Variants in RBFOX1 observed in about 807,000 individuals in gnomAD.
The protein encoded by RBFOX1 is RNA binding fox-1 homolog 1, also known as RNA binding protein fox-1 homolog 1.
RBFOX1 carries 8 observed loss-of-function variants against 57.7 expected under a neutral mutation model. That is an observed-to-expected ratio of 0.14 (90% CI 0.08 to 0.25). The LOEUF is 0.25. RBFOX1 is among the 10% of genes least tolerant of loss of function. The pLI, the probability that RBFOX1 is intolerant of heterozygous loss-of-function variation, is 1.00. For synonymous variants in RBFOX1, 326 were observed against 222.4 expected (o/e 1.47, Z -4.15); for missense variants, 611 against 548.5 (o/e 1.11, Z -1.14).
chr16:5,861,702 C>T (rs1025953675), intron 3 of RBFOX1, among the ~76,000 whole-genome samples: 2 of 152,216 alleles, frequency 1.3e-5, no homozygotes, highest in Non-Finnish European at 2.9e-5. Flanking sequence ...CTTTCATACA[C>T]AGGGCATTTG....
intron 4 of RBFOX1, among the ~76,000 whole-genome samples, chr16:7,397,922 C>G (rs1259799305): frequency 6.6e-6 from 1 of 152,062 alleles, no homozygotes; most frequent in African/African-American, 2.4e-5. Context: ...TTAGGCCCTA[C>G]TTGGCTCTTA....
intron 3 of RBFOX1, among the ~76,000 whole-genome samples, chr16:5,691,539 C>G (rs567559868): frequency 6.6e-6 from 1 of 152,210 alleles, no homozygotes; most frequent in South Asian, 2.1e-4. Flanking sequence ...CCCAAAATGC[C>G]TAGGACTAGA....
chr16:5,822,893 G>C (rs139206022), intron 3 of RBFOX1, among the ~76,000 whole-genome samples: 177 of 152,312 alleles, frequency 1.2e-3, no homozygotes, highest in African/African-American at 4.1e-3. Context: ...AGGCATCTGA[G>C]GCCTCTGTCT....
intron 3 of RBFOX1, among the ~76,000 whole-genome samples, chr16:5,779,550 A>T (rs7199564): frequency 6.6e-6 from 1 of 152,074 alleles, no homozygotes; most frequent in South Asian, 2.1e-4. Flanking sequence ...CATGTATCCA[A>T]GTATCCCTAT....
Position 5,409,563 on chromosome 16 carries a change from A to G in RBFOX1, c.220-57653A>G, listed in dbSNP as rs513539. On this transcript the variant is annotated intron_variant, in intron 1 of 2. Transcript: ENST00000585867. ...ATCTTTATTTTTCTCTTCATACTCA[A>G]CAAATATTTATTGAGCACATATGTG... Among the ~76,000 whole-genome samples the G allele has an allele frequency of 2.2e-3, 342 of 152,382 alleles. 4 individuals carry two copies. The highest frequency in any genetic ancestry group is 8.1e-3 in the African/African-American group (335 of 41,592).
intron 4 of RBFOX1, among the ~76,000 whole-genome samples, chr16:7,296,021 C>G (rs761441113): frequency 2.0e-5 from 3 of 151,534 alleles, no homozygotes; most frequent in African/African-American, 7.3e-5. Flanking sequence ...TTAGTCTCCT[C>G]GTGATAGCTA....
intron 3 of RBFOX1, chr16:6,773,913 G>A (rs2078887184): frequency 2.0e-6 from 2 of 981,712 alleles, no homozygotes; most frequent in Non-Finnish European, 2.4e-6. Context: ...GTGCATTTGC[G>A]TTGCGGGGGT....
At chr16:5,572,599 G>T (rs1006086542) in intron 2 of RBFOX1, among the ~76,000 whole-genome samples, 1 of 152,198 alleles carries the variant, frequency 6.6e-6, no homozygotes, top group African/African-American at 2.4e-5. Context: ...ACCTGAGGTT[G>T]AGAACCCCTG....
intron 3 of RBFOX1, among the ~76,000 whole-genome samples, chr16:5,682,600 C>G (rs2050374408): frequency 1.3e-5 from 2 of 152,046 alleles, no homozygotes; most frequent in South Asian, 4.1e-4. Flanking sequence ...AAGGAATTAT[C>G]CCCATTGTAC....
chr16:7,420,956 C>G (rs1360971216), intron 4 of RBFOX1, among the ~76,000 whole-genome samples: 4 of 148,822 alleles, frequency 2.7e-5, no homozygotes, highest in African/African-American at 1.0e-4. Context: ...CACACACACA[C>G]ACACATATAT....
chr16:7,626,091 T>C (rs1474982992), intron 10 of RBFOX1, among the ~76,000 whole-genome samples: 1 of 152,060 alleles, frequency 6.6e-6, no homozygotes, highest in East Asian at 1.9e-4. Context: ...CAGAAAGGAG[T>C]TACCTAGAGC....
At chr16:5,972,001 G>T (rs577725577) in intron 4 of RBFOX1, among the ~76,000 whole-genome samples, 16 of 152,300 alleles carry the variant, frequency 1.1e-4, no homozygotes, top group African/African-American at 3.9e-4. Flanking sequence ...TTCAAACTGG[G>T]ACGTGTGCTT....
At chr16:6,177,548 A>G (rs1405806579) in intron 1 of RBFOX1, among the ~76,000 whole-genome samples, 1 of 152,170 alleles carries the variant, frequency 6.6e-6, no homozygotes, top group Non-Finnish European at 1.5e-5. Context: ...TTATAGAATC[A>G]TGTCAGAAAG....
At chr16:6,627,582 T>G (rs1157953622) in intron 2 of RBFOX1, among the ~76,000 whole-genome samples, 1 of 152,128 alleles carries the variant, frequency 6.6e-6, no homozygotes, top group Admixed American at 6.5e-5. Flanking sequence ...AGATAAGAAC[T>G]ATGAACGCTA....
intron 2 of RBFOX1, among the ~76,000 whole-genome samples, chr16:6,423,518 G>T (rs140538859): frequency 5.3e-5 from 8 of 152,188 alleles, no homozygotes; most frequent in Admixed American, 5.2e-4. Flanking sequence ...AGAATTGCTC[G>T]AACCTGGGAG....
intron 4 of RBFOX1, among the ~76,000 whole-genome samples, chr16:7,302,922 G>C (rs938858532): frequency 6.6e-6 from 1 of 152,030 alleles, no homozygotes; most frequent in Non-Finnish European, 1.5e-5. Flanking sequence ...TGTTAATTTG[G>C]CCAAGGAGGG....
chr16:5,482,578 A>G (rs1268733592), intron 2 of RBFOX1, among the ~76,000 whole-genome samples: 1 of 152,164 alleles, frequency 6.6e-6, no homozygotes, highest in East Asian at 1.9e-4. Context: ...AATTGTAGGG[A>G]CTGCTTGAAG....
intron 4 of RBFOX1, among the ~76,000 whole-genome samples, chr16:5,989,313 A>T (rs940230759): frequency 6.6e-6 from 1 of 152,100 alleles, no homozygotes; most frequent in Admixed American, 6.6e-5. Context: ...CCTGGGTGAC[A>T]GAGCAAGACT....
At position 5,450,934 on chromosome 16, in the gene RBFOX1, C is replaced by T. The variant is rs1187792665; in HGVS notation, c.220-16282C>T. On this transcript the variant is annotated intron_variant, in intron 1 of 2. Transcript: ENST00000585867. The stretch of plus-strand genomic sequence containing the variant: ...GGGCAAGCTCAAGGGTAAGCTTGTC[C>T]GAGCCTCAGTGTTCTCATCTGGAAA... Among the ~76,000 whole-genome samples the T allele has an allele frequency of 3.3e-5, 5 of 152,138 alleles. No homozygotes were observed. The East Asian group carries it at 5.8e-4, about 18-fold the overall frequency.
Sources: allele counts gnomAD v4.1 joint callset (sites outside exome capture counted in the v4.1 genomes callset), GRCh38; gene constraint gnomAD v4.1.1; transcripts MANE v1.5; gene names NCBI Gene and HGNC (gene_info 2026-07-23, HGNC 2026-07-21).